Variants in COL8A1 observed in about 807,000 individuals in gnomAD.
COL8A1 encodes the protein collagen alpha-1(VIII) chain.
COL8A1 carries 21 observed loss-of-function variants against 42.7 expected under a neutral mutation model. The observed-to-expected ratio is 0.49, with a 90% CI of 0.35 to 0.71. COL8A1 has a LOEUF of 0.71. COL8A1 is among the 30% of genes least tolerant of loss of function. The pLI, the probability that COL8A1 is intolerant of heterozygous loss-of-function variation, is 0.01. For synonymous variants in COL8A1, 367 were observed against 369.1 expected (o/e 0.99, Z 0.06); for missense variants, 788 against 962.4 (o/e 0.82, Z 2.40).
At chr3:99,703,921 T>C (rs1169136058) in intron 1 of COL8A1, among the ~76,000 whole-genome samples, 6 of 152,226 alleles carry the variant, frequency 3.9e-5, no homozygotes, top group Non-Finnish European at 8.8e-5. Flanking sequence ...TTCTCATCTA[T>C]GGTTTTTTTT....
At chr3:99,702,311 A>C (rs1939563640) in intron 1 of COL8A1, among the ~76,000 whole-genome samples, 1 of 152,222 alleles carries the variant, frequency 6.6e-6, no homozygotes, top group East Asian at 1.9e-4. Context: ...AAAGGAGAAA[A>C]GTGCAGAAAA....
At chr3:99,745,371 T>C (rs1183353666) in intron 2 of COL8A1, among the ~76,000 whole-genome samples, 2 of 152,100 alleles carry the variant, frequency 1.3e-5, no homozygotes, top group Non-Finnish European at 2.9e-5. Flanking sequence ...CAGAGGAAAA[T>C]TGTGAACTTA....
intron 1 of COL8A1, among the ~76,000 whole-genome samples, chr3:99,673,360 T>A (rs1174707030): frequency 1.3e-5 from 2 of 152,176 alleles, no homozygotes; most frequent in Admixed American, 6.5e-5. Context: ...GTCCTTAAAT[T>A]TTCTAGCTAA....
In COL8A1 at chr3:99,788,054, T is replaced by C. The variant is rs149877139; in HGVS notation, c.-3-2626T>C. Among the ~76,000 whole-genome samples, 1,175 of 152,338 alleles carry C rather than the reference T, an allele frequency of 7.7e-3. 21 individuals carry two copies. Among genetic ancestry groups the C allele is most frequent in the African/African-American group, 0.026 (1,088 of 41,570 alleles). ...CCTTCTTTCTTGCCAGGTGTTTGTATAAAGTTACCCAAATTTGATGTTCTT... is the reference window on the plus strand; with the variant it reads ...CCTTCTTTCTTGCCAGGTGTTTGTACAAAGTTACCCAAATTTGATGTTCTT... On this transcript the variant is annotated intron_variant, in intron 2 of 3. Coordinates refer to ENST00000652472, the MANE Select transcript of COL8A1 (RefSeq NM_020351.4).
chr3:99,689,571 A>G (rs1269750424), intron 1 of COL8A1, among the ~76,000 whole-genome samples: 1 of 152,206 alleles, frequency 6.6e-6, no homozygotes, highest in Non-Finnish European at 1.5e-5. Flanking sequence ...AATTTTTGCC[A>G]TTATTTATTT....
At position 99,794,864 on chromosome 3, in the gene COL8A1, T is replaced by A; in HGVS notation, c.963T>A (p.Asp321Glu). Reference protein sequence around the residue: ...GIPGIGKPGQDGIPGQPGFPG... With the variant: ...GIPGIGKPGQEGIPGQPGFPG... ...CCGGAATTGGAAAGCCAGGCCAGGA[T>A]GGGATCCCAGGCCAGCCAGGATTTC... Residue 321 changes from aspartate to glutamate, a missense_variant, in exon 4 of 4, where the codon GAT becomes GAA. By Grantham distance (45) the Asp-to-Glu change is conservative. This residue lies in a region of COL8A1 where 421 missense variants were observed against 553.1 expected (regional missense o/e 0.76). Coordinates refer to ENST00000652472, the MANE Select transcript of COL8A1 (RefSeq NM_020351.4). This position sits in a 1 kb window ranked among gnomAD's most constrained non-coding sequence, Gnocchi z 4.3. The A allele has an allele frequency of 1.2e-6, 2 of 1,611,220 alleles. No individual in the cohort carries two copies. Among genetic ancestry groups the A allele is most frequent in the Non-Finnish European group, 1.7e-6 (2 of 1,178,736 alleles).
At chr3:99,645,966 T>C (rs1422658576) in intron 1 of COL8A1, among the ~76,000 whole-genome samples, 1 of 151,464 alleles carries the variant, frequency 6.6e-6, no homozygotes, top group African/African-American at 2.4e-5. Flanking sequence ...TCCCTGTCAG[T>C]GGAGTAAGGG....
At chr3:99,667,356 G>A (rs758033139) in intron 1 of COL8A1, among the ~76,000 whole-genome samples, 2 of 152,136 alleles carry the variant, frequency 1.3e-5, no homozygotes. Flanking sequence ...GTGAGTGATG[G>A]AAATAAAAGA....
intron 1 of COL8A1, among the ~76,000 whole-genome samples, chr3:99,736,438 T>C (rs1012312890): frequency 2.0e-5 from 3 of 152,182 alleles, no homozygotes; most frequent in Non-Finnish European, 2.9e-5. Context: ...TTGTGCAGGT[T>C]AGTTACATAT....
At chr3:99,640,362 G>A (rs145022162) in intron 1 of COL8A1, among the ~76,000 whole-genome samples, 2 of 152,248 alleles carry the variant, frequency 1.3e-5, no homozygotes, top group African/African-American at 4.8e-5. Flanking sequence ...CCAAGTATGT[G>A]GCACATTCAA....
chr3:99,645,938 C>A (rs980039988), intron 1 of COL8A1, among the ~76,000 whole-genome samples: 4 of 152,076 alleles, frequency 2.6e-5, no homozygotes, highest in African/African-American at 7.2e-5. Context: ...ACTGAGGAAG[C>A]CTGCGGTGAC....
At chr3:99,678,900 T>G in intron 1 of COL8A1, 1 of 152,350 alleles carries the variant, frequency 6.6e-6, no homozygotes, top group Non-Finnish European at 1.5e-5. Flanking sequence ...CTTAAAAATA[T>G]GTTTAGATTT....
rs1942073378 is a variant in COL8A1, at chr3:99,794,822, A to T, written c.921A>T (p.Gln307His). The T allele has an allele frequency of 6.2e-7, 1 of 1,612,006 alleles. No homozygotes were observed. The highest frequency in any genetic ancestry group is 8.5e-7 in the Non-Finnish European group (1 of 1,179,026). The change falls in exon 4 of 4, where the codon CAA (glutamine) becomes CAT (histidine). Residue 307 changes from glutamine to histidine, a missense_variant. By Grantham distance (24) the Gln-to-His change is conservative. Around this residue, in one of 4 missense-constraint regions of COL8A1, gnomAD observed 421 missense variants for 553.1 expected, o/e 0.76. Transcript: ENST00000652472. The surrounding 1 kb of genome is among the most constrained non-coding windows in gnomAD (Gnocchi z 4.3). ...PQGPIGVPGV[Q>H]GPPGIPGIGK... ...GCCCTATTGGGGTACCGGGGGTTCAAGGACCTCCTGGGATACCCGGAATTG... is the reference window on the plus strand; with the variant it reads ...GCCCTATTGGGGTACCGGGGGTTCATGGACCTCCTGGGATACCCGGAATTG...
chr3:99,646,652 TA>T (rs1382854946), intron 1 of COL8A1, among the ~76,000 whole-genome samples: 1 of 152,138 alleles, frequency 6.6e-6, no homozygotes, highest in Non-Finnish European at 1.5e-5. Context: ...CAAAATGGGA[TA>T]AAATGTCAAG....
At chr3:99,654,072 G>A (rs1401191972) in intron 1 of COL8A1, among the ~76,000 whole-genome samples, 1 of 152,182 alleles carries the variant, frequency 6.6e-6, no homozygotes, top group Non-Finnish European at 1.5e-5. Context: ...AACCACTGGT[G>A]TAAGTCCAAG....
At chr3:99,676,076 C>T (rs1938684215) in intron 1 of COL8A1, among the ~76,000 whole-genome samples, 1 of 152,024 alleles carries the variant, frequency 6.6e-6, no homozygotes, top group Non-Finnish European at 1.5e-5. Context: ...TTATAAAACA[C>T]TTTATACCAG....
At chr3:99,709,023 A>ACC (rs34715790) in intron 1 of COL8A1, among the ~76,000 whole-genome samples, 3 of 141,758 alleles carry the variant, frequency 2.1e-5, no homozygotes, top group Non-Finnish European at 1.5e-5. Flanking sequence ...CAGGCTTAAC[A>ACC]CCCCCACCCC....
Position 99,795,103 on chromosome 3 carries a change from T to C in COL8A1, c.1202T>C (p.Met401Thr), listed in dbSNP as rs933840870. Reference protein sequence around the residue: ...EPGLPGIPGPMGPPGAIGFPG... With the variant: ...EPGLPGIPGPTGPPGAIGFPG... ...GGCCTGCCTGGAATCCCAGGTCCTATGGGCCCTCCAGGTGCTATTGGTTTT... is the reference window on the plus strand; with the variant it reads ...GGCCTGCCTGGAATCCCAGGTCCTACGGGCCCTCCAGGTGCTATTGGTTTT... The change falls in exon 4 of 4, where the codon ATG becomes ACG. Residue 401 changes from methionine (M) to threonine (T), a missense_variant. Physicochemically the swap from Met to Thr is moderately conservative, Grantham distance 81 (BLOSUM62 -1). Around this residue, in one of 4 missense-constraint regions of COL8A1, gnomAD observed 421 missense variants for 553.1 expected, o/e 0.76. Transcript: ENST00000652472. 9.9e-6 allele frequency: 16 copies of C among 1,613,106 alleles called. No individual in the cohort carries two copies. Among genetic ancestry groups the C allele is most frequent in the Non-Finnish European group, 1.4e-5 (16 of 1,179,540 alleles).
chr3:99,784,897 A>T (rs1173047478), intron 2 of COL8A1, among the ~76,000 whole-genome samples: 1 of 152,262 alleles, frequency 6.6e-6, no homozygotes, highest in Admixed American at 6.5e-5. Context: ...AATATCTCTT[A>T]ATACTAATCA....
Sources: allele counts gnomAD v4.1 joint callset (sites outside exome capture counted in the v4.1 genomes callset), GRCh38; gene constraint gnomAD v4.1.1; regional missense constraint gnomAD v4.1.1; non-coding constraint Gnocchi (gnomAD v3.1); transcripts MANE v1.5; gene names NCBI Gene and HGNC (gene_info 2026-07-23, HGNC 2026-07-21).